The following RYR2 variants were observed in gnomAD, a reference collection of about 807,000 sequenced individuals.
RYR2 encodes cardiac muscle ryanodine receptor-calcium release channel.
RYR2 carries 227 observed loss-of-function variants against 601.1 expected under a neutral mutation model. The ratio of observed to expected loss-of-function variants is 0.38; its 90% CI spans 0.34 to 0.42. The LOEUF (loss-of-function observed/expected upper bound fraction) is 0.42, where lower values mean the gene tolerates loss of function less well. Among genes scored for constraint, RYR2 ranks in the 10% least tolerant of loss-of-function variants. RYR2 has a pLI of 1.00. For synonymous variants in RYR2, 2,223 were observed against 2,175.1 expected, an observed-to-expected ratio of 1.02 and a Z score of -0.61; for missense variants, 4,646 against 6,156.5, an observed-to-expected ratio of 0.75 and a Z score of 8.21.
chr1:237,334,273 G>A (rs1697033563), intron 3 of RYR2, among the ~76,000 whole-genome samples: 1 of 152,024 alleles, frequency 6.6e-6, no homozygotes, highest in African/African-American at 2.4e-5. Context: ...AACAGAAGAA[G>A]ATGTGTAAGA....
Position 237,628,059 on chromosome 1 carries a change from A to G in RYR2, c.6419A>G (p.Lys2140Arg), listed in dbSNP as rs1443634453. ...GTGAGAATGGGCAAAGAAGAAGAGAAGCTCATGATTCGTGGATTAGGGTAA... is the reference window on the plus strand; with the variant it reads ...GTGAGAATGGGCAAAGAAGAAGAGAGGCTCATGATTCGTGGATTAGGGTAA... ...LSVRMGKEEE[K>R]LMIRGLGDIM... Residue 2140 changes from lysine to arginine, a missense_variant, in exon 41 of 105, where the codon AAG becomes AGG. This residue lies in a region of RYR2 where 137 missense variants were observed against 273.6 expected (regional missense o/e 0.50). Transcript: ENST00000366574. 6.2e-7 allele frequency: 1 copy of G among 1,613,878 alleles called. No individual in the cohort carries two copies. The highest frequency in any genetic ancestry group is 2.2e-5 in the East Asian group (1 of 44,878).
At position 237,379,466 on chromosome 1, in the gene RYR2, T is replaced by C. The variant is rs559362231; in HGVS notation, c.576+2031T>C. Reference sequence around the variant, plus strand: ...TGCCAAGGTTATTGTGAGGAAGCAATGAGATAATGGATTTAAATATGGGCA... The same window carrying C: ...TGCCAAGGTTATTGTGAGGAAGCAACGAGATAATGGATTTAAATATGGGCA... On this transcript the variant is annotated intron_variant, in intron 8 of 104. Coordinates refer to ENST00000366574, the MANE Select transcript of RYR2 (RefSeq NM_001035.3). Among the ~76,000 whole-genome samples the C allele has an allele frequency of 9.9e-5, 15 of 152,166 alleles. No individual in the cohort carries two copies. The South Asian group carries it at 2.9e-3, about 29-fold the overall frequency.
At chr1:237,083,201 T>C (rs1201856964) in intron 1 of RYR2, among the ~76,000 whole-genome samples, 1 of 152,158 alleles carries the variant, frequency 6.6e-6, no homozygotes, top group East Asian at 1.9e-4. Flanking sequence ...CTCTGGCAGT[T>C]TGGTGCATGC....
chr1:237,487,371 T>C (rs1461744110), intron 17 of RYR2, among the ~76,000 whole-genome samples: 10 of 151,992 alleles, frequency 6.6e-5, no homozygotes, highest in Non-Finnish European at 1.5e-5. Flanking sequence ...CCTTTAAGAA[T>C]TTTTTATTAT....
At chr1:237,411,443 G>A (rs1448472954) in intron 10 of RYR2, among the ~76,000 whole-genome samples, 1 of 152,124 alleles carries the variant, frequency 6.6e-6, no homozygotes, top group African/African-American at 2.4e-5. Context: ...ATATCAACAA[G>A]TGTATAATAT....
intron 1 of RYR2, among the ~76,000 whole-genome samples, chr1:237,131,882 G>T (rs1474287722): frequency 1.3e-5 from 2 of 151,924 alleles, no homozygotes; most frequent in East Asian, 1.9e-4. Flanking sequence ...TACCATGTTT[G>T]GCTGATTTTT....
Position 237,781,646 on chromosome 1 carries a change from G to A in RYR2, c.11962G>A (p.Gly3988Ser), listed in dbSNP as rs555949273. Reference protein sequence around the residue: ...MVVMLLSMLEGNVVNGTIGKQ... With the variant: ...MVVMLLSMLESNVVNGTIGKQ... ...GGTCATGTTGCTGTCCATGTTAGAAGGTAGTTTTGATTTATACTTTTAAAT... is the reference window on the plus strand; with the variant it reads ...GGTCATGTTGCTGTCCATGTTAGAAAGTAGTTTTGATTTATACTTTTAAAT... Residue 3988 changes from glycine (G) to serine (S), a missense_variant and splice_region_variant, in exon 89 of 105, where the codon GGT (glycine) becomes AGT (serine). This residue lies in a region of RYR2 where 90 missense variants were observed against 213.3 expected (regional missense o/e 0.42). Transcript: ENST00000366574. 1 of 1,540,682 alleles carries A rather than the reference G, an allele frequency of 6.5e-7. No individual in the cohort carries two copies. The highest frequency in any genetic ancestry group is 1.2e-5 in the South Asian group (1 of 84,788).
At chr1:237,751,619 C>A (rs1473383007) in intron 80 of RYR2, among the ~76,000 whole-genome samples, 2 of 152,166 alleles carry the variant, frequency 1.3e-5, no homozygotes, top group African/African-American at 4.8e-5. Flanking sequence ...GCTGTAAAGT[C>A]ACATTACACA....
rs1385962212 is a variant in RYR2, at chr1:237,654,523, C to T, written c.7965+109C>T. Reference sequence around the variant, plus strand: ...AATACTATCTTTGCTAACCAAGACACGTATGGCTTGATTTTTTCTCTTTTC... The same window carrying T: ...AATACTATCTTTGCTAACCAAGACATGTATGGCTTGATTTTTTCTCTTTTC... On this transcript the variant is annotated intron_variant, in intron 52 of 104. Coordinates refer to ENST00000366574, the MANE Select transcript of RYR2 (RefSeq NM_001035.3). The T allele has an allele frequency of 1.4e-5, 15 of 1,045,122 alleles. No individual in the cohort carries two copies. The South Asian group carries it at 1.8e-4, about 12-fold the overall frequency. The allele number at this position is 1,045,122 out of a possible 1,614,324, so 64.7% of individuals were successfully genotyped here. A position where few individuals can be genotyped will look rare whatever the true frequency, so the allele number is the denominator to read the frequency against.
At chr1:237,701,052 T>C (rs2149034578) in intron 65 of RYR2, among the ~76,000 whole-genome samples, 1 of 152,304 alleles carries the variant, frequency 6.6e-6, no homozygotes, top group African/African-American at 2.4e-5. Context: ...AAAATACGCA[T>C]GAGCTGTTTG....
At chr1:237,812,501 T>C (rs1661356419) in intron 100 of RYR2, among the ~76,000 whole-genome samples, 1 of 152,130 alleles carries the variant, frequency 6.6e-6, no homozygotes, top group South Asian at 2.1e-4. Flanking sequence ...TATACAAAAA[T>C]AGTGGATTCA....
intron 1 of RYR2, among the ~76,000 whole-genome samples, chr1:237,217,106 A>G (rs1683275926): frequency 6.6e-6 from 1 of 152,188 alleles, no homozygotes; most frequent in African/African-American, 2.4e-5. Context: ...TGCCCAAGGA[A>G]GGGTGGCTTT....
Position 237,717,294 on chromosome 1 carries a change from C to T in RYR2, c.10420C>T (p.Leu3474=), listed in dbSNP as rs770509187. 3 of 1,613,422 alleles carry T rather than the reference C, an allele frequency of 1.9e-6. No homozygotes were observed. Among genetic ancestry groups the T allele is most frequent in the African/African-American group, 1.3e-5 (1 of 75,042 alleles). The change falls in exon 72 of 105, where the codon CTG becomes TTG. Residue 3474 remains leucine, a synonymous_variant. Coordinates refer to ENST00000366574, the MANE Select transcript of RYR2 (RefSeq NM_001035.3). ...SLIVAALKRL[L]PIGLNICAPG... ...GATTGTAGCAGCTCTGAAGCGGTTA[C>T]TGCCCATTGGGTTGAACATCTGTGC...
At chr1:237,511,642 C>T in intron 23 of RYR2, 46 bp from the exon 24 acceptor site, 1 of 1,371,550 alleles carries the variant, frequency 7.3e-7, no homozygotes, top group South Asian at 1.2e-5. Flanking sequence ...ATTGCTAGTG[C>T]CTGGCATTGG....
chr1:237,106,365 T>G lies in RYR2; in HGVS notation c.48+63796T>G, dbSNP rs1376192361. 6.6e-6 allele frequency among the ~76,000 whole-genome samples: 1 copy of G among 152,034 alleles called. No homozygotes were observed. Among genetic ancestry groups the G allele is most frequent in the East Asian group, 1.9e-4 (1 of 5,164 alleles). On this transcript the variant is annotated intron_variant, in intron 1 of 104. Transcript: ENST00000366574. The surrounding 1 kb of genome is among the most constrained non-coding windows in gnomAD (Gnocchi z 4.4). ...GAGGTGGCACCGAGCAGCAGGACCCTGGATATTTTTTTGGACATAGAGCCA... is the reference window on the plus strand; with the variant it reads ...GAGGTGGCACCGAGCAGCAGGACCCGGGATATTTTTTTGGACATAGAGCCA...
rs544652598 is a variant in RYR2 at position 237,787,934 on chromosome 1, C to G, written c.13329-54C>G. ...CACTTGGGTAATTTTCCACAACACC[C>G]GTTTAGTTCTTTAGTTTCTGGAGAG... On this transcript the variant is annotated intron_variant, in intron 91 of 104. Transcript: ENST00000366574. 9.3e-6 allele frequency: 14 copies of G among 1,512,520 alleles called. 1 individual carries two copies. Among genetic ancestry groups the G allele is most frequent in the South Asian group, 7.4e-5 (6 of 80,852 alleles). 93.7% of individuals were successfully genotyped at this position (1,512,520 alleles called of 1,614,324 possible).
At chr1:237,525,984 A>T (rs201760748) in intron 24 of RYR2, among the ~76,000 whole-genome samples, 6,440 of 151,016 alleles carry the variant, frequency 0.043, 200 homozygotes, top group Middle Eastern at 0.13. Flanking sequence ...CCTCAAAAAA[A>T]AAAAATAATA....
At chr1:237,317,927 A>G (rs936549115) in intron 2 of RYR2, among the ~76,000 whole-genome samples, 2 of 152,144 alleles carry the variant, frequency 1.3e-5, no homozygotes, top group African/African-American at 2.4e-5. Context: ...CTACATTTTG[A>G]TAGAATGTTT....
At position 237,511,740 on chromosome 1, in the gene RYR2, T is replaced by G; in HGVS notation, c.2771T>G (p.Leu924Arg). Residue 924 changes from leucine (L) to arginine (R), a missense_variant, in exon 24 of 105, where the codon CTG (leucine) becomes CGG (arginine). By Grantham distance (102) the Leu-to-Arg change is moderately radical. Transcript: ENST00000366574. ...CCATGCCTGGTGGAGTTCTCCAAGC[T>G]GCCTGAACAGGAGCGCAATTACAAC... ...QHPCLVEFSK[L>R]PEQERNYNLQ... 1 of 1,569,764 alleles carries G rather than the reference T, an allele frequency of 6.4e-7. No homozygotes were observed. Among genetic ancestry groups the G allele is most frequent in the Non-Finnish European group, 8.7e-7 (1 of 1,155,208 alleles).
Sources: allele counts gnomAD v4.1 joint callset (sites outside exome capture counted in the v4.1 genomes callset), GRCh38; gene constraint gnomAD v4.1.1; regional missense constraint gnomAD v4.1.1; non-coding constraint Gnocchi (gnomAD v3.1); transcripts MANE v1.5; gene names NCBI Gene and HGNC (gene_info 2026-07-23, HGNC 2026-07-21).